MACROD2: variants seen among roughly 807,000 people sequenced by gnomAD.
MACROD2 encodes the protein ADP-ribose glycohydrolase MACROD2.
Under a neutral mutation model 70.4 loss-of-function variants are expected in MACROD2, and 36 were observed. The observed-to-expected ratio is 0.51, with a 90% confidence interval of 0.39 to 0.68. MACROD2 has a LOEUF of 0.68. Ranked by LOEUF, MACROD2 falls within the 30% of genes least tolerant of loss-of-function variation. MACROD2 has a pLI of 0.00. For missense variants in MACROD2, 496 were observed against 538.4 expected, an observed-to-expected ratio of 0.92 and a Z score of 0.78; for synonymous variants, 172 against 178.8, an observed-to-expected ratio of 0.96 and a Z score of 0.30.
chr20:14,216,425 A>G (rs2081623233), intron 3 of MACROD2, among the ~76,000 whole-genome samples: 1 of 152,162 alleles, frequency 6.6e-6, no homozygotes, highest in Admixed American at 6.5e-5. Flanking sequence ...GTATAGTTTG[A>G]AATCAGGTTG....
chr20:15,350,738 T>C (rs1419822219), intron 6 of MACROD2, among the ~76,000 whole-genome samples: 5 of 152,176 alleles, frequency 3.3e-5, no homozygotes, highest in African/African-American at 7.2e-5. Flanking sequence ...AAAATGGTAT[T>C]CTAGGAATTT....
chr20:15,080,193 C>T (rs542945594), intron 5 of MACROD2, among the ~76,000 whole-genome samples: 54 of 152,188 alleles, frequency 3.5e-4, no homozygotes, highest in Middle Eastern at 3.4e-3. Flanking sequence ...TCTTCAGCTA[C>T]TCTTCCAGGC....
chr20:15,987,259 TA>T lies in MACROD2; in HGVS notation c.1153+104del. The T allele has an allele frequency of 3.1e-6, 3 of 956,244 alleles. No homozygotes were observed. In the South Asian group the frequency reaches 4.7e-5, roughly 15 times the overall value. 59.2% of individuals were successfully genotyped at this position (956,244 alleles called of 1,614,324 possible). ...GTTATTCTCATGCAATTACAGTTTG[TA>T]AAGGGGGAAAACGAACATTTCCTTA... On this transcript the variant is annotated intron_variant, in intron 15 of 17. Transcript: ENST00000684519.
intron 6 of MACROD2, among the ~76,000 whole-genome samples, chr20:15,319,157 A>C (rs932434218): frequency 1.3e-5 from 2 of 152,198 alleles, no homozygotes; most frequent in Non-Finnish European, 2.9e-5. Context: ...AGTTGCTTCT[A>C]TATACCAGTA....
At chr20:14,194,124 C>T (rs2081411049) in intron 3 of MACROD2, among the ~76,000 whole-genome samples, 1 of 152,164 alleles carries the variant, frequency 6.6e-6, no homozygotes, top group African/African-American at 2.4e-5. Context: ...TACCTACTCA[C>T]TCTTAATGCT....
intron 4 of MACROD2, among the ~76,000 whole-genome samples, chr20:14,663,674 A>G (rs1028483318): frequency 6.6e-6 from 1 of 151,978 alleles, no homozygotes; most frequent in African/African-American, 2.4e-5. Flanking sequence ...GGAGTTCTTT[A>G]TACTGGCTTT....
At chr20:15,649,188 T>C (rs758408891) in intron 8 of MACROD2, among the ~76,000 whole-genome samples, 1 of 125,720 alleles carries the variant, frequency 8.0e-6, no homozygotes, top group Non-Finnish European at 1.6e-5. Context: ...CTCCTTCTTT[T>C]TCCTTTCTTC....
chr20:14,473,079 C>T (rs190908574), intron 3 of MACROD2, among the ~76,000 whole-genome samples: 2 of 151,848 alleles, frequency 1.3e-5, no homozygotes, highest in Non-Finnish European at 2.9e-5. Context: ...TGGAGTAGAA[C>T]GTGATGTTTC....
intron 5 of MACROD2, among the ~76,000 whole-genome samples, chr20:14,807,242 A>G (rs980791407): frequency 6.6e-6 from 1 of 152,136 alleles, no homozygotes; most frequent in African/African-American, 2.4e-5. Context: ...TTCCAGAGGA[A>G]GGAGCAGGCA....
At chr20:15,079,578 A>G (rs190987530) in intron 5 of MACROD2, among the ~76,000 whole-genome samples, 68 of 151,846 alleles carry the variant, frequency 4.5e-4, no homozygotes, top group African/African-American at 1.6e-3. Flanking sequence ...TCCACCATTC[A>G]TCCTCCCCTT....
chr20:14,019,765 C>T (rs2053046829), intron 2 of MACROD2, among the ~76,000 whole-genome samples: 2 of 152,048 alleles, frequency 1.3e-5, no homozygotes, highest in African/African-American at 4.8e-5. Flanking sequence ...TCTGAAAAGA[C>T]ATTTGCAATC....
intron 8 of MACROD2, among the ~76,000 whole-genome samples, chr20:15,561,069 G>A (rs1434947512): frequency 1.3e-5 from 2 of 152,180 alleles, no homozygotes; most frequent in Non-Finnish European, 2.9e-5. Context: ...TACTCTTGGT[G>A]TAGTCAGGGA....
At chr20:15,132,948 G>A (rs2076117603) in intron 5 of MACROD2, among the ~76,000 whole-genome samples, 1 of 152,024 alleles carries the variant, frequency 6.6e-6, no homozygotes, top group Non-Finnish European at 1.5e-5. Flanking sequence ...AAATAACTGA[G>A]AAAAGAGAAC....
chr20:14,882,440 A>G (rs558012383), intron 5 of MACROD2, among the ~76,000 whole-genome samples: 49 of 152,298 alleles, frequency 3.2e-4, no homozygotes, highest in African/African-American at 1.1e-3. Flanking sequence ...AGCATGTTTT[A>G]TACCTGTTAT....
chr20:15,278,944 C>T (rs573496608), intron 6 of MACROD2, among the ~76,000 whole-genome samples: 1 of 152,220 alleles, frequency 6.6e-6, no homozygotes, highest in African/African-American at 2.4e-5. Flanking sequence ...AAATGGATGC[C>T]TCGCGTGCCC....
At chr20:15,196,645 A>G (rs2076608752) in intron 5 of MACROD2, among the ~76,000 whole-genome samples, 1 of 152,176 alleles carries the variant, frequency 6.6e-6, no homozygotes, top group African/African-American at 2.4e-5. Context: ...CTCTGCAAAA[A>G]CACTTTCACC....
chr20:14,259,135 G>A (rs1251787352), intron 3 of MACROD2, among the ~76,000 whole-genome samples: 1 of 152,124 alleles, frequency 6.6e-6, no homozygotes, highest in Admixed American at 6.6e-5. Flanking sequence ...TAGAGACGGT[G>A]TTTCACCATG....
chr20:15,204,809 G>A (rs1568634795), intron 5 of MACROD2, among the ~76,000 whole-genome samples: 1 of 152,064 alleles, frequency 6.6e-6, no homozygotes, highest in Non-Finnish European at 1.5e-5. Context: ...CTATACTAGA[G>A]TGACTATCCT....
At chr20:15,046,969 T>C (rs922677287) in intron 5 of MACROD2, among the ~76,000 whole-genome samples, 5 of 152,226 alleles carry the variant, frequency 3.3e-5, no homozygotes, top group Non-Finnish European at 5.9e-5. Context: ...GCTGTGACTT[T>C]CCCTAAAGTA....
Sources: gnomAD v4.1 joint callset for allele counts (sites outside exome capture counted in the v4.1 genomes callset) on GRCh38, gnomAD v4.1.1 for gene constraint, MANE v1.5 for transcripts, NCBI Gene and HGNC (gene_info 2026-07-23, HGNC 2026-07-21) for gene names.